DISC1: variants seen among roughly 807,000 people sequenced by gnomAD.
The protein encoded by DISC1 is DISC1 scaffold protein.
Under a neutral mutation model 84.5 loss-of-function variants are expected in DISC1, and 57 were observed. The ratio of observed to expected loss-of-function variants is 0.67; its 90% CI spans 0.55 to 0.84. The LOEUF (loss-of-function observed/expected upper bound fraction) is 0.84. Among genes scored for constraint, DISC1 ranks in the 40% least tolerant of loss-of-function variants. The probability of loss-of-function intolerance (pLI) is 0.00; values close to 1 mark genes in which losing one functional copy is unlikely to be tolerated. For missense variants in DISC1, 1,000 were observed against 1,057.8 expected (o/e 0.95, Z 0.76); for synonymous variants, 411 against 415.2 (o/e 0.99, Z 0.12).
intron 4 of DISC1, among the ~76,000 whole-genome samples, chr1:231,760,704 C>T (rs2075577012): frequency 6.6e-6 from 1 of 152,226 alleles, no homozygotes; most frequent in Admixed American, 6.5e-5. Flanking sequence ...AGCACTGTCA[C>T]TAGCAGTTCC....
chr1:232,008,902 G>T lies in DISC1; in HGVS notation c.2160G>T (p.Arg720Ser), dbSNP rs763625640. 6.2e-6 allele frequency: 10 copies of T among 1,613,670 alleles called. No individual in the cohort carries two copies. In the African/African-American group the frequency reaches 1.2e-4, roughly 19 times the overall value. Residue 720 changes from arginine (R) to serine (S), a missense_variant, in exon 11 of 13, where the codon AGG (arginine) becomes AGT (serine). Transcript: ENST00000439617. ...GAAGCCTGTCTGTAGAAGATGAGAG[G>T]CAGATGGATGACTTAGAGGGAGCTG... Reference protein sequence around the residue: ...ARGSLSVEDERQMDDLEGAAP... With the variant: ...ARGSLSVEDESQMDDLEGAAP...
chr1:231,925,717 T>G (rs1278331786), intron 9 of DISC1: 1 of 152,168 alleles, frequency 6.6e-6, no homozygotes, highest in Non-Finnish European at 1.5e-5. Flanking sequence ...GATTAGTATT[T>G]TTTATGAGAA....
At chr1:231,838,412 C>T (rs1265655821) in intron 9 of DISC1, among the ~76,000 whole-genome samples, 1 of 152,130 alleles carries the variant, frequency 6.6e-6, no homozygotes, top group Non-Finnish European at 1.5e-5. Context: ...AAATGATCCT[C>T]TTTATTGAGA....
chr1:231,806,605 A>G (rs1225565277), intron 8 of DISC1, among the ~76,000 whole-genome samples: 1 of 152,226 alleles, frequency 6.6e-6, no homozygotes, highest in South Asian at 2.1e-4. Context: ...TAACTGCCCA[A>G]TGTAGGAGGT....
chr1:231,834,304 G>A lies in DISC1; in HGVS notation c.1981+15787G>A, dbSNP rs556092353. 6.6e-5 allele frequency among the ~76,000 whole-genome samples: 10 copies of A among 152,156 alleles called. No homozygotes were observed. The East Asian group carries it at 1.7e-3, about 26-fold the overall frequency. On this transcript the variant is annotated intron_variant, in intron 9 of 12. Transcript: ENST00000439617. The stretch of plus-strand genomic sequence containing the variant: ...CTGGTGAGGAGGGGAGAGGTCAGAT[G>A]GGTCTGTAGAAAAGGAAGATTAGAA...
intron 9 of DISC1, among the ~76,000 whole-genome samples, chr1:231,908,058 G>A (rs1286730885): frequency 6.6e-6 from 1 of 152,126 alleles, no homozygotes; most frequent in African/African-American, 2.4e-5. Flanking sequence ...TAAGTTCTTT[G>A]TAGATTCTGG....
intron 3 of DISC1, chr1:231,722,695 C>T (rs1355829180): frequency 1.9e-6 from 3 of 1,589,760 alleles, no homozygotes; most frequent in Non-Finnish European, 2.6e-6. Context: ...AAAAAGAGGA[C>T]CCACGTGGAA....
chr1:232,037,246 C>CT lies in DISC1; in HGVS notation c.*415_*416insT, dbSNP rs1670583527. 6.5e-6 allele frequency: 1 copy of CT among 153,090 alleles called. No homozygotes were observed. The highest frequency in any genetic ancestry group is 2.4e-5 in the African/African-American group (1 of 41,398). 9.5% of individuals were successfully genotyped at this position (153,090 alleles called of 1,614,324 possible). ...GATTCAAGATTCTATAAAAAGGAAA[C>CT]CAAGCATAAGACTCTGTCATCATAC... On this transcript the variant is annotated 3_prime_UTR_variant, in exon 13 of 13. Transcript: ENST00000439617.
intron 6 of DISC1, among the ~76,000 whole-genome samples, chr1:231,787,450 CAGAGAGAGAA>C (rs938791086): frequency 4.0e-5 from 6 of 151,574 alleles, no homozygotes; most frequent in African/African-American, 1.2e-4. Context: ...GAGAGAGAGA[CAGAGAGAGAA>C]AGAGAGAGAC....
intron 9 of DISC1, among the ~76,000 whole-genome samples, chr1:231,860,445 G>C (rs770848237): frequency 6.6e-6 from 1 of 151,980 alleles, no homozygotes; most frequent in African/African-American, 2.4e-5. Context: ...GCATCATGTT[G>C]GTGCTCAGAA....
rs1165237351 is a variant in DISC1 at position 231,630,610 on chromosome 1, G to A, written c.67+3676G>A. On this transcript the variant is annotated intron_variant, in intron 1 of 12. Coordinates refer to ENST00000439617, the MANE Select transcript of DISC1 (RefSeq NM_018662.3). This position sits in a 1 kb window ranked among gnomAD's most constrained non-coding sequence, Gnocchi z 4.4. ...TGGCACAGCTGGAACCACCGGTGAA[G>A]AGCCATTTTTCAGTCAGCACCGTTT... 1.3e-5 allele frequency among the ~76,000 whole-genome samples: 2 copies of A among 152,162 alleles called. No individual in the cohort carries two copies. Among genetic ancestry groups the A allele is most frequent in the African/African-American group, 4.8e-5 (2 of 41,424 alleles).
At chr1:231,708,845 C>T (rs2124987461) in intron 3 of DISC1, among the ~76,000 whole-genome samples, 1 of 152,286 alleles carries the variant, frequency 6.6e-6, no homozygotes, top group South Asian at 2.1e-4. Context: ...GAGCGCTCTA[C>T]ACTTGGAGGT....
chr1:231,764,325 G>A (rs931261181), intron 4 of DISC1, among the ~76,000 whole-genome samples: 1 of 152,178 alleles, frequency 6.6e-6, no homozygotes, highest in African/African-American at 2.4e-5. Context: ...CAGCTACTTA[G>A]TGTGTGTTGG....
chr1:232,024,729 A>G (rs916139802), intron 11 of DISC1, among the ~76,000 whole-genome samples: 3 of 151,662 alleles, frequency 2.0e-5, no homozygotes, highest in African/African-American at 7.3e-5. Context: ...AGTGGCTGGG[A>G]TTACAGGCGC....
intron 10 of DISC1, among the ~76,000 whole-genome samples, chr1:231,964,884 A>T (rs1379194777): frequency 6.6e-6 from 1 of 152,260 alleles, no homozygotes; most frequent in African/African-American, 2.4e-5. Context: ...ACAGGATTTT[A>T]GAGAGGAAGC....
At chr1:231,652,664 A>G (rs1172798432) in intron 1 of DISC1, among the ~76,000 whole-genome samples, 1 of 152,240 alleles carries the variant, frequency 6.6e-6, no homozygotes, top group African/African-American at 2.4e-5. Context: ...AGAGCCATAC[A>G]ACTTTACCGA....
At chr1:231,859,026 G>T (rs559869181) in intron 9 of DISC1, among the ~76,000 whole-genome samples, 1 of 152,316 alleles carries the variant, frequency 6.6e-6, no homozygotes, top group Non-Finnish European at 1.5e-5. Flanking sequence ...GGGGAATGGT[G>T]TCTGAGCTCA....
intron 3 of DISC1, chr1:231,724,078 T>C (rs952675735): frequency 2.2e-5 from 21 of 956,196 alleles, no homozygotes; most frequent in Non-Finnish European, 2.6e-5. Context: ...ATCCTTTAAA[T>C]GGATATTGTC....
chr1:231,910,353 C>G (rs1163350325), intron 9 of DISC1, among the ~76,000 whole-genome samples: 1 of 152,068 alleles, frequency 6.6e-6, no homozygotes, highest in Non-Finnish European at 1.5e-5. Flanking sequence ...TAAATGTGTC[C>G]CAGAGATTCT....
Sources: gnomAD v4.1 joint callset for allele counts (sites outside exome capture counted in the v4.1 genomes callset) on GRCh38, gnomAD v4.1.1 for gene constraint, Gnocchi (gnomAD v3.1) non-coding constraint, MANE v1.5 for transcripts, NCBI Gene and HGNC (gene_info 2026-07-23, HGNC 2026-07-21) for gene names.